Variants in STK32B observed in about 807,000 individuals in gnomAD.
STK32B encodes serine/threonine-protein kinase 32B.
A neutral mutation model predicts 52.6 loss-of-function variants in STK32B; 43 were observed. The ratio of observed to expected loss-of-function variants is 0.82; its 90% confidence interval spans 0.64 to 1.05. STK32B has a LOEUF of 1.05. Among genes scored for constraint, STK32B ranks in the 50% least tolerant of loss-of-function variants. The probability of loss-of-function intolerance (pLI) is 0.00; values close to 1 mark genes in which losing one functional copy is unlikely to be tolerated. For missense variants in STK32B, 621 were observed against 534.6 expected, an observed-to-expected ratio of 1.16 and a Z score of -1.59; for synonymous variants, 238 against 204.3, an observed-to-expected ratio of 1.17 and a Z score of -1.41.
chr4:5,349,105 G>T (rs1216635338), intron 4 of STK32B, among the ~76,000 whole-genome samples: 1 of 151,242 alleles, frequency 6.6e-6, no homozygotes, highest in Admixed American at 6.6e-5. Flanking sequence ...AGGAGCTTGA[G>T]AACCCACCAA....
In STK32B at chr4:5,357,018, T is replaced by TACACAC. The variant is rs754199241; in HGVS notation, c.434+25626_434+25627insCACACA. Among the ~76,000 whole-genome samples the TACACAC allele has an allele frequency of 9.8e-3, 1,471 of 150,482 alleles. 13 individuals carry two copies. Among genetic ancestry groups the TACACAC allele is most frequent in the East Asian group, 0.063 (322 of 5,126 alleles). On this transcript the variant is annotated intron_variant, in intron 4 of 11. Coordinates refer to ENST00000282908, the MANE Select transcript of STK32B (RefSeq NM_018401.3). ...TCTCTCTCATATGTGTATATATATA[T>TACACAC]ATATACACACACACACACACACATA...
At chr4:5,035,723 CAA>C in the STK32B span, among the ~76,000 whole-genome samples, 1 of 151,868 alleles carries the variant, frequency 6.6e-6, no homozygotes, top group Non-Finnish European at 1.5e-5. Flanking sequence ...CATTTGTATT[CAA>C]AGTCTGTACA....
rs1736263600 is a variant in STK32B, at chr4:5,386,453, A to G, written c.435-11754A>G. Among the ~76,000 whole-genome samples, 2 of 152,212 alleles carry G rather than the reference A, an allele frequency of 1.3e-5. No homozygotes were observed. Among genetic ancestry groups the G allele is most frequent in the Non-Finnish European group, 2.9e-5 (2 of 68,038 alleles). ...TCTTGATGGTCCAAGAGCACTGGCC[A>G]TGGAGAAAGATTGATCCAGACCTGA... On this transcript the variant is annotated intron_variant, in intron 4 of 11. Coordinates refer to ENST00000282908, the MANE Select transcript of STK32B (RefSeq NM_018401.3). This position sits in a 1 kb window ranked among gnomAD's most constrained non-coding sequence, Gnocchi z 4.5.
At chr4:5,227,935 C>T (rs1011501125) in intron 3 of STK32B, among the ~76,000 whole-genome samples, 9 of 152,150 alleles carry the variant, frequency 5.9e-5, no homozygotes, top group Admixed American at 3.3e-4. Context: ...CCAGCAGTTT[C>T]GCCCATCACT....
At position 5,398,008 on chromosome 4, in the gene STK32B, C is replaced by T. The variant is rs1737029047; in HGVS notation, c.435-199C>T. On this transcript the variant is annotated intron_variant, in intron 4 of 11. Coordinates refer to ENST00000282908, the MANE Select transcript of STK32B (RefSeq NM_018401.3). This position sits in a 1 kb window ranked among gnomAD's most constrained non-coding sequence, Gnocchi z 4.9. ...ATATTCAAACAATCTACTTGCACTT[C>T]CAGGAAAGAGAAGAGGCGATAAGAA... is the stretch of plus-strand genomic sequence containing the variant. Among the ~76,000 whole-genome samples the T allele has an allele frequency of 6.6e-6, 1 of 152,202 alleles. No homozygotes were observed. The highest frequency in any genetic ancestry group is 1.5e-5 in the Non-Finnish European group (1 of 68,044).
chr4:5,176,943 A>G (rs1483896618), intron 3 of STK32B, among the ~76,000 whole-genome samples: 1 of 151,992 alleles, frequency 6.6e-6, no homozygotes, highest in Non-Finnish European at 1.5e-5. Flanking sequence ...CACCCCTCAG[A>G]CTCTCTGGGC....
chr4:5,375,806 G>T (rs1203486814), intron 4 of STK32B, among the ~76,000 whole-genome samples: 9 of 152,124 alleles, frequency 5.9e-5, no homozygotes, highest in Admixed American at 6.5e-5. Context: ...GTCAGTCTGG[G>T]GCGGGGAGTG....
intron 2 of STK32B, among the ~76,000 whole-genome samples, chr4:5,150,871 T>G (rs1030416979): frequency 5.9e-5 from 9 of 152,176 alleles, no homozygotes; most frequent in African/African-American, 2.2e-4. Context: ...CATCTTAATG[T>G]TGAGATTTTA....
At chr4:5,353,253 C>G (rs1733953811) in intron 4 of STK32B, among the ~76,000 whole-genome samples, 1 of 152,066 alleles carries the variant, frequency 6.6e-6, no homozygotes, top group African/African-American at 2.4e-5. Context: ...AAAAACAACT[C>G]AAGGTGGATT....
chr4:5,158,513 G>A (rs932999357), intron 2 of STK32B, among the ~76,000 whole-genome samples: 8 of 152,012 alleles, frequency 5.3e-5, no homozygotes, highest in Non-Finnish European at 8.8e-5. Flanking sequence ...TCATTCGTTC[G>A]TAATTGTATA....
At chr4:5,338,334 T>G (rs530115631) in intron 4 of STK32B, among the ~76,000 whole-genome samples, 1 of 152,324 alleles carries the variant, frequency 6.6e-6, no homozygotes, top group East Asian at 1.9e-4. Flanking sequence ...ATTCACTAGT[T>G]TTTGAATGAA....
chr4:5,052,789 A>G (rs960140763), intron 1 of STK32B, among the ~76,000 whole-genome samples: 9 of 152,180 alleles, frequency 5.9e-5, no homozygotes, highest in African/African-American at 1.7e-4. Context: ...TGCCTCTCAA[A>G]GCTGGTTTCC....
intron 3 of STK32B, among the ~76,000 whole-genome samples, chr4:5,283,708 C>T (rs1483198117): frequency 2.6e-5 from 4 of 152,112 alleles, no homozygotes; most frequent in Admixed American, 6.6e-5. Context: ...CTGAAGGAAA[C>T]ACAATTGTAA....
chr4:5,476,101 C>T (rs776913995), intron 11 of STK32B, among the ~76,000 whole-genome samples: 10 of 151,926 alleles, frequency 6.6e-5, no homozygotes, highest in Non-Finnish European at 1.0e-4. Flanking sequence ...GGTTTCGCCA[C>T]GTTGGCCAAG....
At chr4:5,336,380 T>C (rs1205768683) in intron 4 of STK32B, among the ~76,000 whole-genome samples, 1 of 151,966 alleles carries the variant, frequency 6.6e-6, no homozygotes, top group Non-Finnish European at 1.5e-5. Context: ...AATGACATCA[T>C]AGGATTATCA....
intron 2 of STK32B, among the ~76,000 whole-genome samples, chr4:5,162,155 C>G (rs1718498435): frequency 6.6e-6 from 1 of 152,220 alleles, no homozygotes; most frequent in African/African-American, 2.4e-5. Flanking sequence ...TCTAGCCTCT[C>G]TGTTCTGTAC....
chr4:5,217,895 C>T (rs1379702777), intron 3 of STK32B, among the ~76,000 whole-genome samples: 1 of 152,204 alleles, frequency 6.6e-6, no homozygotes, highest in African/African-American at 2.4e-5. Flanking sequence ...CTATAGTGTT[C>T]TCATGCGGTG....
chr4:5,172,034 A>T (rs1226013219), intron 3 of STK32B, among the ~76,000 whole-genome samples: 4 of 151,978 alleles, frequency 2.6e-5, no homozygotes, highest in African/African-American at 9.7e-5. Context: ...ATCCCTTGTA[A>T]GCTGGATTCC....
In STK32B at chr4:5,213,506, A is replaced by G. The variant is rs145413888; in HGVS notation, c.260+45056A>G. On this transcript the variant is annotated intron_variant, in intron 3 of 11. Coordinates refer to ENST00000282908, the MANE Select transcript of STK32B (RefSeq NM_018401.3). Reference sequence around the variant, plus strand: ...AGCTTAGACACAGTTGAGAAATAAGACTAGAAGTGAAGCAGATAGAGATCA... The same window carrying G: ...AGCTTAGACACAGTTGAGAAATAAGGCTAGAAGTGAAGCAGATAGAGATCA... Among the ~76,000 whole-genome samples, 5 of 152,346 alleles carry G rather than the reference A, an allele frequency of 3.3e-5. No homozygotes were observed. In the East Asian group the frequency reaches 9.6e-4, roughly 29 times the overall value.
Sources: allele counts gnomAD v4.1 joint callset (sites outside exome capture counted in the v4.1 genomes callset), GRCh38; gene constraint gnomAD v4.1.1; non-coding constraint Gnocchi (gnomAD v3.1); transcripts MANE v1.5; gene names NCBI Gene and HGNC (gene_info 2026-07-23, HGNC 2026-07-21).